HPSE2: variants seen among roughly 807,000 people sequenced by gnomAD.
The protein encoded by HPSE2 is heparanase 2 (inactive).
In HPSE2, 38 loss-of-function variants were observed where a neutral mutation model predicts 60.5. That is an observed-to-expected ratio of 0.63 (90% confidence interval 0.48 to 0.82). The LOEUF is 0.82. HPSE2 is among the 40% of genes least tolerant of loss of function. The pLI, the probability that HPSE2 is intolerant of heterozygous loss-of-function variation, is 0.00. For missense variants in HPSE2, 713 were observed against 740.4 expected, an observed-to-expected ratio of 0.96 and a Z score of 0.43; for synonymous variants, 295 against 293.2, an observed-to-expected ratio of 1.01 and a Z score of -0.06.
chr10:98,974,748 G>A (rs1229638208), intron 3 of HPSE2, among the ~76,000 whole-genome samples: 1 of 152,098 alleles, frequency 6.6e-6, no homozygotes, highest in African/African-American at 2.4e-5. Flanking sequence ...ATTGATGGAA[G>A]ACACAATATA....
chr10:99,308,356 GC>G, the HPSE2 span, among the ~76,000 whole-genome samples: 1 of 47,328 alleles, frequency 2.1e-5, no homozygotes. Context: ...TTCCAGCCTG[GC>G]CGACAGAGCA....
chr10:98,844,548 T>G (rs1232097349), intron 3 of HPSE2, among the ~76,000 whole-genome samples: 1 of 152,162 alleles, frequency 6.6e-6, no homozygotes, highest in Non-Finnish European at 1.5e-5. Context: ...TAGAGAAATA[T>G]TATTGAAATT....
chr10:99,167,438 T>G (rs1847128201), intron 2 of HPSE2, among the ~76,000 whole-genome samples: 1 of 152,264 alleles, frequency 6.6e-6, no homozygotes, highest in South Asian at 2.1e-4. Flanking sequence ...AGTTATTTTT[T>G]GCATAAAGTA....
chr10:98,663,685 T>C (rs1260956617), intron 6 of HPSE2, among the ~76,000 whole-genome samples: 1 of 152,118 alleles, frequency 6.6e-6, no homozygotes, highest in Non-Finnish European at 1.5e-5. Flanking sequence ...TGTGCAATCT[T>C]GGGAACAGGA....
chr10:98,486,246 A>G (rs1941436318), intron 10 of HPSE2, among the ~76,000 whole-genome samples: 1 of 152,170 alleles, frequency 6.6e-6, no homozygotes, highest in South Asian at 2.1e-4. Context: ...TTCCTGAGGA[A>G]CATATATTCT....
intron 2 of HPSE2, among the ~76,000 whole-genome samples, chr10:99,187,193 T>C (rs1042537461): frequency 6.6e-6 from 1 of 152,096 alleles, no homozygotes; most frequent in African/African-American, 2.4e-5. Flanking sequence ...TAGGTAACAA[T>C]GTTTCAAGCA....
At chr10:98,704,388 A>G (rs1331391890) in intron 5 of HPSE2, among the ~76,000 whole-genome samples, 1 of 150,136 alleles carries the variant, frequency 6.7e-6, no homozygotes, top group African/African-American at 2.5e-5. Flanking sequence ...GACATTTTTC[A>G]CAGAGTTAGA....
At chr10:98,806,733 C>T (rs1951050192) in intron 3 of HPSE2, among the ~76,000 whole-genome samples, 1 of 152,214 alleles carries the variant, frequency 6.6e-6, no homozygotes, top group Non-Finnish European at 1.5e-5. Context: ...TAACATATTT[C>T]ATGTCTCTAA....
At chr10:98,916,266 G>A (rs2135041888) in intron 3 of HPSE2, among the ~76,000 whole-genome samples, 1 of 152,302 alleles carries the variant, frequency 6.6e-6, no homozygotes, top group East Asian at 1.9e-4. Flanking sequence ...TTTTGAGGAT[G>A]TGACAAATTG....
chr10:98,864,728 T>TA lies in HPSE2; in HGVS notation c.611-120673dup, dbSNP rs200064296. Among the ~76,000 whole-genome samples, 1,337 of 152,314 alleles carry TA rather than the reference T, an allele frequency of 8.8e-3. 6 individuals are homozygous for TA. Among genetic ancestry groups the TA allele is most frequent in the Non-Finnish European group, 0.014 (965 of 68,012 alleles). On this transcript the variant is annotated intron_variant, in intron 3 of 11. Transcript: ENST00000370552. ...CCATGCATTATGCATTGAAAGTTGC[T>TA]ATGTGTATGACCAGGTTTTTTTTCT... is the stretch of plus-strand genomic sequence containing the variant.
chr10:99,196,326 A>G (rs1369225218), intron 2 of HPSE2, among the ~76,000 whole-genome samples: 1 of 152,172 alleles, frequency 6.6e-6, no homozygotes, highest in East Asian at 1.9e-4. Flanking sequence ...TACCCCACAA[A>G]CACAGGTAAC....
At chr10:99,131,262 T>C (rs1412119816) in intron 3 of HPSE2, among the ~76,000 whole-genome samples, 1 of 152,128 alleles carries the variant, frequency 6.6e-6, no homozygotes, top group African/African-American at 2.4e-5. Flanking sequence ...ACAACCACTA[T>C]GGAAAACAGT....
chr10:99,169,271 C>G (rs1485079254), intron 2 of HPSE2, among the ~76,000 whole-genome samples: 2 of 149,662 alleles, frequency 1.3e-5, no homozygotes, highest in Non-Finnish European at 3.0e-5. Context: ...TTTAGGAGAC[C>G]GAGGCAGGCG....
At chr10:98,615,141 C>T (rs1306440685) in intron 8 of HPSE2, 123 bp from the exon 9 acceptor site, 13 of 711,912 alleles carry the variant, frequency 1.8e-5, no homozygotes, top group Non-Finnish European at 3.1e-5. Context: ...TTACCTAGTA[C>T]TTTAAAAAGG....
At position 99,132,766 on chromosome 10, in the gene HPSE2, T is replaced by C. The variant is rs990734230; in HGVS notation, c.610+11472A>G. 3.3e-5 allele frequency among the ~76,000 whole-genome samples: 5 copies of C among 152,150 alleles called. No homozygotes were observed. In the East Asian group the frequency reaches 7.7e-4, roughly 24 times the overall value. ...AAACCAGGAGATTCCCTCCGGTCCC[T>C]ACCCCACCAGTGCCCTAAGTTTCAA... On this transcript the variant is annotated intron_variant, in intron 3 of 11. Transcript: ENST00000370552.
Position 99,235,626 on chromosome 10 carries a change from G to A in HPSE2, c.177C>T (p.Thr59=), listed in dbSNP as rs762034031. 1.2e-6 allele frequency: 2 copies of A among 1,613,858 alleles called. No individual in the cohort carries two copies. The highest frequency in any genetic ancestry group is 2.2e-5 in the East Asian group (1 of 44,872). The change falls in exon 1 of 12, where the codon ACC becomes ACT. Residue 59 remains threonine (T), a synonymous_variant. Transcript: ENST00000370552. ...VDRAAGLKEK[T]LILLDVSTKN... ...TGGTGCTCACATCAAGTAGAATCAGGGTCTTTTCCTTCAAACCTGCAGCTC... is the reference window on the plus strand; with the variant it reads ...TGGTGCTCACATCAAGTAGAATCAGAGTCTTTTCCTTCAAACCTGCAGCTC...
intron 9 of HPSE2, among the ~76,000 whole-genome samples, chr10:98,491,775 C>A (rs988452798): frequency 6.6e-6 from 1 of 152,168 alleles, no homozygotes; most frequent in African/African-American, 2.4e-5. Context: ...CATTTGCCTC[C>A]AATGGCTGTA....
chr10:99,240,270 T>C (rs540621931), upstream of HPSE2, among the ~76,000 whole-genome samples: 170 of 152,262 alleles, frequency 1.1e-3, 2 homozygotes, highest in Non-Finnish European at 1.7e-3. Flanking sequence ...TGGAAATATA[T>C]ACCAGTAACC....
intron 2 of HPSE2, among the ~76,000 whole-genome samples, chr10:99,176,677 G>A (rs1006391858): frequency 6.6e-6 from 1 of 152,088 alleles, no homozygotes; most frequent in African/African-American, 2.4e-5. Context: ...AGGGAGAATG[G>A]AGCCAAGTTG....
Sources: gnomAD v4.1 joint callset for allele counts (sites outside exome capture counted in the v4.1 genomes callset) on GRCh38, gnomAD v4.1.1 for gene constraint, MANE v1.5 for transcripts, NCBI Gene and HGNC (gene_info 2026-07-23, HGNC 2026-07-21) for gene names.